Variants in FER observed in about 807,000 individuals in gnomAD.
FER encodes FER tyrosine kinase.
A neutral mutation model predicts 111.0 loss-of-function variants in FER; 63 were observed. The ratio of observed to expected loss-of-function variants is 0.57; its 90% CI spans 0.46 to 0.70. FER has a LOEUF of 0.70. Ranked by LOEUF, FER falls within the 30% of genes least tolerant of loss-of-function variation. The pLI is 0.00. For missense variants in FER, 914 were observed against 954.0 expected, an observed-to-expected ratio of 0.96 and a Z score of 0.55; for synonymous variants, 327 against 313.9, an observed-to-expected ratio of 1.04 and a Z score of -0.44.
In FER at chr5:108,895,215, C is replaced by T. The variant is rs1581097578; in HGVS notation, c.1047-2444C>T. 6.6e-5 allele frequency among the ~76,000 whole-genome samples: 10 copies of T among 152,038 alleles called. No homozygotes were observed. In the South Asian group the frequency reaches 2.1e-3, roughly 32 times the overall value. ...CTTGAGAATATATATGACTTGAAAT[C>T]GTTTTTTCAAAATTTTAACTTTTTA... On this transcript the variant is annotated intron_variant, in intron 9 of 19. Transcript: ENST00000281092.
chr5:108,903,422 T>C (rs1219049430), intron 10 of FER, among the ~76,000 whole-genome samples: 3 of 152,178 alleles, frequency 2.0e-5, no homozygotes, highest in African/African-American at 7.2e-5. Flanking sequence ...CCTAGCACTT[T>C]GGGAGGCTGA....
chr5:109,028,794 A>C (rs1479778878), intron 13 of FER, among the ~76,000 whole-genome samples: 1 of 152,212 alleles, frequency 6.6e-6, no homozygotes, highest in African/African-American at 2.4e-5. Context: ...TTGTATGGCT[A>C]AGTCTTTCTG....
chr5:109,121,044 G>A (rs1409277586), intron 17 of FER, among the ~76,000 whole-genome samples: 1 of 151,952 alleles, frequency 6.6e-6, no homozygotes, highest in African/African-American at 2.4e-5. Flanking sequence ...CTTCACACAA[G>A]GATAATTTGA....
intron 2 of FER, among the ~76,000 whole-genome samples, chr5:108,774,351 C>T (rs1275995572): frequency 1.3e-5 from 2 of 152,118 alleles, no homozygotes; most frequent in Admixed American, 1.3e-4. Flanking sequence ...AATAGTGCTG[C>T]TGCAATAAAC....
At chr5:109,103,383 T>G (rs1002015964) in intron 17 of FER, among the ~76,000 whole-genome samples, 3 of 152,182 alleles carry the variant, frequency 2.0e-5, no homozygotes, top group Non-Finnish European at 4.4e-5. Flanking sequence ...ATATTCTTTC[T>G]TTAGCTTTGT....
At chr5:108,852,240 A>G (rs1003441325) in intron 5 of FER, among the ~76,000 whole-genome samples, 1 of 152,204 alleles carries the variant, frequency 6.6e-6, no homozygotes, top group African/African-American at 2.4e-5. Context: ...CTCTTCATGC[A>G]TTATGAATAG....
chr5:109,068,316 TG>T (rs1006100970), intron 16 of FER, among the ~76,000 whole-genome samples: 1 of 152,084 alleles, frequency 6.6e-6, no homozygotes, highest in African/African-American at 2.4e-5. Context: ...CCCGAGTAGC[TG>T]GGGCTATAGG....
intron 2 of FER, among the ~76,000 whole-genome samples, chr5:108,774,952 C>T (rs916372275): frequency 6.6e-6 from 1 of 152,146 alleles, no homozygotes; most frequent in Non-Finnish European, 1.5e-5. Context: ...GCATTTTCAT[C>T]ATGAAGTCTT....
intron 10 of FER, among the ~76,000 whole-genome samples, chr5:108,936,011 A>G (rs921536839): frequency 1.2e-4 from 18 of 152,062 alleles, no homozygotes; most frequent in Non-Finnish European, 2.1e-4. Flanking sequence ...AGAACTATTT[A>G]TTCAAGGCAG....
intron 1 of FER, among the ~76,000 whole-genome samples, chr5:108,760,158 G>GT (rs36078731): frequency 0.51 from 72,552 of 140,994 alleles, 19,289 homozygotes; most frequent in African/African-American, 0.67. Context: ...GCAGTCTTCT[G>GT]TTTTTTTTTT....
At chr5:108,850,276 T>C (rs138354329) in intron 5 of FER, among the ~76,000 whole-genome samples, 145 of 152,226 alleles carry the variant, frequency 9.5e-4, no homozygotes, top group African/African-American at 3.3e-3. Context: ...TCCTCTACTG[T>C]TTTTCTGTAT....
At chr5:108,897,377 G>A (rs1749301424) in intron 9 of FER, among the ~76,000 whole-genome samples, 1 of 152,106 alleles carries the variant, frequency 6.6e-6, no homozygotes, top group South Asian at 2.1e-4. Flanking sequence ...TGTCTACTCT[G>A]TGAGGTATAT....
At chr5:108,940,215 A>G (rs1756068501) in intron 10 of FER, among the ~76,000 whole-genome samples, 1 of 152,142 alleles carries the variant, frequency 6.6e-6, no homozygotes, top group Non-Finnish European at 1.5e-5. Context: ...GGTAGTCAAA[A>G]TCAAATCTGT....
At chr5:109,026,222 A>T (rs1232877616) in intron 13 of FER, among the ~76,000 whole-genome samples, 1 of 152,214 alleles carries the variant, frequency 6.6e-6, no homozygotes, top group Admixed American at 6.6e-5. Context: ...TTATACACAT[A>T]CAAGAACTAT....
rs1180343074 is a variant in FER, at chr5:109,195,650, A to T, written c.*8075A>T. 6.6e-6 allele frequency: 1 copy of T among 152,202 alleles called. No homozygotes were observed. The highest frequency in any genetic ancestry group is 1.9e-4 in the East Asian group (1 of 5,188). The allele number at this position is 152,202 out of a possible 1,614,324, so 9.4% of individuals were successfully genotyped here. A position where few individuals can be genotyped will look rare whatever the true frequency, so the allele number is the denominator to read the frequency against. ...AGACATGAAACTCTTATACCTGCTGAGCATTTCACTTTACTATACAAAATG... is the reference window on the plus strand; with the variant it reads ...AGACATGAAACTCTTATACCTGCTGTGCATTTCACTTTACTATACAAAATG... On this transcript the variant is annotated 3_prime_UTR_variant, in exon 20 of 20. Coordinates refer to ENST00000281092, the MANE Select transcript of FER (RefSeq NM_005246.4).
In FER at chr5:109,047,213, G is replaced by A. The variant is rs370315559; in HGVS notation, c.1924+15G>A. 14 of 1,463,982 alleles carry A rather than the reference G, an allele frequency of 9.6e-6. No individual in the cohort carries two copies. In the South Asian group the frequency reaches 1.7e-4, roughly 18 times the overall value. The allele number at this position is 1,463,982 out of a possible 1,614,324, so 90.7% of individuals were successfully genotyped here. A position where few individuals can be genotyped will look rare whatever the true frequency, so the allele number is the denominator to read the frequency against. ...ACTGGTTTCAGGTAATGTGATCTGA[G>A]AATTTTTGCATGATGACATTTTAAT... On this transcript the variant is annotated intron_variant, in intron 16 of 19. Coordinates refer to ENST00000281092, the MANE Select transcript of FER (RefSeq NM_005246.4).
intron 9 of FER, 63 bp downstream of exon 9, chr5:108,883,581 A>G (rs1765888235): frequency 7.1e-7 from 1 of 1,414,966 alleles, no homozygotes; most frequent in African/African-American, 1.5e-5. Context: ...AAAATATTTT[A>G]GTTACATGGC....
intron 13 of FER, among the ~76,000 whole-genome samples, chr5:109,012,479 A>T (rs1351390357): frequency 2.0e-5 from 3 of 152,334 alleles, no homozygotes; most frequent in Admixed American, 6.5e-5. Flanking sequence ...TTTAAGAGGC[A>T]TTTATTCTTG....
rs184230675 is a variant in FER at position 108,967,367 on chromosome 5, C to T, written c.1656+8020C>T. ...CCCAGTGTGGCTAAGTCTGGGACTT[C>T]TATGGGCTCAGAATAGGGGAGTGTG... On this transcript the variant is annotated intron_variant, in intron 13 of 19. Coordinates refer to ENST00000281092, the MANE Select transcript of FER (RefSeq NM_005246.4). 1.6e-4 allele frequency among the ~76,000 whole-genome samples: 24 copies of T among 152,190 alleles called. No individual in the cohort carries two copies. The East Asian group carries it at 3.7e-3, about 23-fold the overall frequency.
Sources: allele counts gnomAD v4.1 joint callset (sites outside exome capture counted in the v4.1 genomes callset), GRCh38; gene constraint gnomAD v4.1.1; transcripts MANE v1.5; gene names NCBI Gene and HGNC (gene_info 2026-07-23, HGNC 2026-07-21).